FAT3: variants seen among roughly 807,000 people sequenced by gnomAD.
FAT3 encodes FAT atypical cadherin 3, also known as protocadherin Fat 3.
In FAT3, 95 loss-of-function variants were observed where a neutral mutation model predicts 310.2. The observed-to-expected ratio is 0.31, with a 90% confidence interval of 0.26 to 0.36. The LOEUF (loss-of-function observed/expected upper bound fraction) is 0.36, where lower values mean the gene tolerates loss of function less well. Ranked by LOEUF, FAT3 falls within the 10% of genes least tolerant of loss-of-function variation. The pLI is 1.00. For synonymous variants in FAT3, 2,314 were observed against 2,192.9 expected (o/e 1.06, Z -1.54); for missense variants, 5,408 against 5,715.6 (o/e 0.95, Z 1.74).
At chr11:92,396,639 C>A (rs1296662614) in intron 2 of FAT3, among the ~76,000 whole-genome samples, 2 of 152,256 alleles carry the variant, frequency 1.3e-5, no homozygotes, top group South Asian at 2.1e-4. Context: ...TGGTGGGTCT[C>A]CCCATCTCAT....
intron 2 of FAT3, among the ~76,000 whole-genome samples, chr11:92,396,624 A>G (rs1387401115): frequency 6.6e-6 from 1 of 152,214 alleles, no homozygotes; most frequent in African/African-American, 2.4e-5. Context: ...CTCAGAAGTC[A>G]GCCATGGTGG....
At chr11:92,607,046 T>G (rs146074966) in intron 3 of FAT3, among the ~76,000 whole-genome samples, 110 of 152,350 alleles carry the variant, frequency 7.2e-4, no homozygotes, top group Admixed American at 3.5e-3. Context: ...TAGATATCAC[T>G]AACCATCACA....
At chr11:92,242,495 C>G (rs1344624033) in intron 1 of FAT3, among the ~76,000 whole-genome samples, 1 of 151,824 alleles carries the variant, frequency 6.6e-6, no homozygotes, top group African/African-American at 2.4e-5. Context: ...CTATGCTGTT[C>G]TTCACTGACT....
intron 3 of FAT3, among the ~76,000 whole-genome samples, chr11:92,560,070 C>T (rs1432520953): frequency 6.6e-6 from 1 of 152,180 alleles, no homozygotes; most frequent in Admixed American, 6.5e-5. Flanking sequence ...TTATACATCC[C>T]ACTATCAGTC....
At chr11:92,767,692 T>C (rs148808124) in intron 6 of FAT3, among the ~76,000 whole-genome samples, 2 of 152,296 alleles carry the variant, frequency 1.3e-5, no homozygotes, top group Non-Finnish European at 2.9e-5. Context: ...TTTGCAAGTT[T>C]CTCATGTCAG....
intron 1 of FAT3, among the ~76,000 whole-genome samples, chr11:92,348,353 A>G (rs974995655): frequency 6.6e-6 from 1 of 152,222 alleles, no homozygotes; most frequent in Non-Finnish European, 1.5e-5. Context: ...AATTCCAGCA[A>G]TGTATCTTGC....
In FAT3 at chr11:92,753,773, G is replaced by GGTGTGTGTGTGTGT. The variant is rs145467493; in HGVS notation, c.3670-8070_3670-8057dup. Among the ~76,000 whole-genome samples, 84 of 128,052 alleles carry GGTGTGTGTGTGTGT rather than the reference G, an allele frequency of 6.6e-4. 2 individuals carry two copies. The highest frequency in any genetic ancestry group is 1.7e-3 in the African/African-American group (49 of 29,468). 84.0% of individuals were successfully genotyped at this position (128,052 alleles called of 152,430 possible). ...AAGAAGTCTTGGATAAAGAAACTGT[G>GGTGTGTGTGTGTGT]GTGTGTGTGTGTGTGTGTGTGTGTG... is the stretch of plus-strand genomic sequence containing the variant. On this transcript the variant is annotated intron_variant, in intron 4 of 27. Transcript: ENST00000525166.
chr11:92,502,173 A>G (rs956859906), intron 2 of FAT3, among the ~76,000 whole-genome samples: 1 of 152,110 alleles, frequency 6.6e-6, no homozygotes, highest in Non-Finnish European at 1.5e-5. Flanking sequence ...AGGGATAAAC[A>G]TAAATCTTTC....
chr11:92,683,171 C>T (rs770514172), intron 3 of FAT3, among the ~76,000 whole-genome samples: 7 of 151,718 alleles, frequency 4.6e-5, no homozygotes, highest in Non-Finnish European at 8.8e-5. Context: ...GGTCTTGGTC[C>T]CTTTATTCTG....
chr11:92,234,564 C>T (rs916548073), intron 1 of FAT3, among the ~76,000 whole-genome samples: 6 of 151,810 alleles, frequency 4.0e-5, no homozygotes, highest in East Asian at 2.0e-4. Context: ...GTCAGCAGTT[C>T]GAGACCTGCC....
At chr11:92,583,741 G>A (rs1326221135) in intron 3 of FAT3, among the ~76,000 whole-genome samples, 2 of 151,966 alleles carry the variant, frequency 1.3e-5, no homozygotes, top group Non-Finnish European at 2.9e-5. Context: ...TGGAGCTGAT[G>A]TTCTGTTTGT....
rs1245478495 is a variant in FAT3, at chr11:92,883,231, G to A, written c.12775G>A (p.Glu4259Lys). 1.4e-5 allele frequency: 23 copies of A among 1,612,892 alleles called. No homozygotes were observed. Among genetic ancestry groups the A allele is most frequent in the Non-Finnish European group, 1.8e-5 (21 of 1,179,850 alleles). ...TAAGATCGTGGACGGGCTGGGAGGC[G>A]AGCACCAGGAAATGACCACGTTTCA... ...LDKIVDGLGG[E>K]HQEMTTFHPE... Residue 4259 changes from glutamate (E) to lysine (K), a missense_variant, in exon 24 of 28, where the codon GAG (glutamate) becomes AAG (lysine). By Grantham distance (56) the Glu-to-Lys change is moderately conservative. Coordinates refer to ENST00000525166, the MANE Select transcript of FAT3 (RefSeq NM_001367949.2). The surrounding 1 kb of genome is among the most constrained non-coding windows in gnomAD (Gnocchi z 4.2).
In FAT3 at chr11:92,831,618, A is replaced by G; in HGVS notation, c.9482-4A>G. On this transcript the variant is annotated splice_polypyrimidine_tract_variant and splice_region_variant and intron_variant, in intron 13 of 27. Transcript: ENST00000525166. ...CCACTCATTTTCCTGTGTCTCTCCC[A>G]CAGGCATCAATAGGAAGGTCGTGTA... 6.2e-7 allele frequency: 1 copy of G among 1,607,752 alleles called. No homozygotes were observed. Among genetic ancestry groups the G allele is most frequent in the Non-Finnish European group, 8.5e-7 (1 of 1,177,434 alleles).
At chr11:92,686,506 G>T (rs974736302) in intron 3 of FAT3, among the ~76,000 whole-genome samples, 2 of 152,106 alleles carry the variant, frequency 1.3e-5, no homozygotes, top group Admixed American at 6.5e-5. Flanking sequence ...CTTTGGAACT[G>T]TTATATATTC....
At chr11:92,655,849 AGCAGAT>A (rs1409508061) in intron 3 of FAT3, among the ~76,000 whole-genome samples, 1 of 152,178 alleles carries the variant, frequency 6.6e-6, no homozygotes, top group African/African-American at 2.4e-5. Flanking sequence ...GCTTCTTGAG[AGCAGAT>A]CTATGTCTGA....
chr11:92,874,778 A>G (rs1949489425), intron 22 of FAT3, among the ~76,000 whole-genome samples: 1 of 152,116 alleles, frequency 6.6e-6, no homozygotes, highest in Non-Finnish European at 1.5e-5. Flanking sequence ...AACTCAGGTG[A>G]TCCGCCCACC....
At chr11:92,876,550 A>G (rs1949540612) in intron 22 of FAT3, among the ~76,000 whole-genome samples, 1 of 152,174 alleles carries the variant, frequency 6.6e-6, no homozygotes, top group South Asian at 2.1e-4. Flanking sequence ...CTTTGCGTTT[A>G]AGGGCATTCT....
chr11:92,703,180 T>C (rs1193692401), intron 4 of FAT3, among the ~76,000 whole-genome samples: 4 of 152,232 alleles, frequency 2.6e-5, no homozygotes, highest in African/African-American at 4.8e-5. Context: ...AAAAATATTG[T>C]TCTTTATTAA....
chr11:92,230,711 T>C (rs1230613947), intron 1 of FAT3, among the ~76,000 whole-genome samples: 7 of 152,244 alleles, frequency 4.6e-5, no homozygotes, highest in Non-Finnish European at 5.9e-5. Flanking sequence ...TATCCATTGC[T>C]TCTGCTTCGT....
Sources: gnomAD v4.1 joint callset for allele counts (sites outside exome capture counted in the v4.1 genomes callset) on GRCh38, gnomAD v4.1.1 for gene constraint, Gnocchi (gnomAD v3.1) non-coding constraint, MANE v1.5 for transcripts, NCBI Gene and HGNC (gene_info 2026-07-23, HGNC 2026-07-21) for gene names.